LRP1B: variants seen among roughly 807,000 people sequenced by gnomAD.
LRP1B encodes the protein low-density lipoprotein receptor-related protein 1B.
LRP1B carries 217 observed loss-of-function variants against 556.6 expected under a neutral mutation model. That is an observed-to-expected ratio of 0.39 (90% CI 0.35 to 0.44). The LOEUF is 0.44. Among genes scored for constraint, LRP1B ranks in the 20% least tolerant of loss-of-function variants. The pLI is 1.00. For missense variants in LRP1B, 5,053 were observed against 5,620.8 expected, an observed-to-expected ratio of 0.90 and a Z score of 3.23; for synonymous variants, 2,047 against 1,865.8, an observed-to-expected ratio of 1.10 and a Z score of -2.50.
intron 3 of LRP1B, among the ~76,000 whole-genome samples, chr2:141,397,308 A>T (rs929479528): frequency 1.5e-4 from 23 of 151,802 alleles, no homozygotes; most frequent in Admixed American, 1.1e-3. Flanking sequence ...TATTTCCCTC[A>T]GTTAAAATTA....
chr2:141,875,913 A>T (rs1698743449), intron 1 of LRP1B, among the ~76,000 whole-genome samples: 1 of 152,014 alleles, frequency 6.6e-6, no homozygotes. Flanking sequence ...TACCTGTGAG[A>T]ATTCATGAAA....
At chr2:141,981,662 G>C (rs536930173) in intron 1 of LRP1B, among the ~76,000 whole-genome samples, 2 of 152,154 alleles carry the variant, frequency 1.3e-5, no homozygotes, top group Non-Finnish European at 2.9e-5. Flanking sequence ...GAAGCATGGA[G>C]ATCACATAGA....
At chr2:140,718,562 A>G (rs1325436588) in intron 35 of LRP1B, among the ~76,000 whole-genome samples, 1 of 152,098 alleles carries the variant, frequency 6.6e-6, no homozygotes, top group Non-Finnish European at 1.5e-5. Context: ...TTAGAAAAGT[A>G]TAGCTACAGA....
At chr2:141,510,231 CA>C (rs1684075826) in intron 2 of LRP1B, among the ~76,000 whole-genome samples, 4 of 149,904 alleles carry the variant, frequency 2.7e-5, no homozygotes, top group African/African-American at 9.9e-5. Flanking sequence ...CACACACACA[CA>C]CACCCCCCAC....
chr2:140,684,080 T>C (rs1402616243), intron 41 of LRP1B, among the ~76,000 whole-genome samples: 1 of 152,124 alleles, frequency 6.6e-6, no homozygotes, highest in Admixed American at 6.5e-5. Flanking sequence ...ATAATACCAA[T>C]GAGGATAAAT....
chr2:142,112,565 G>T (rs902750129), intron 1 of LRP1B, among the ~76,000 whole-genome samples: 3 of 152,038 alleles, frequency 2.0e-5, no homozygotes, highest in Admixed American at 1.3e-4. Flanking sequence ...AGAGGCATTT[G>T]TTCCATCTAT....
chr2:140,881,253 A>AGTGTGTGTGTGTGT (rs3063611), intron 25 of LRP1B, among the ~76,000 whole-genome samples: 2 of 149,032 alleles, frequency 1.3e-5, no homozygotes, highest in African/African-American at 4.9e-5. Flanking sequence ...CTTTGCTGTA[A>AGTGTGTGTGTGTGT]GTGTGTGTGT....
intron 32 of LRP1B, among the ~76,000 whole-genome samples, chr2:140,795,177 C>T (rs1690261506): frequency 6.6e-6 from 1 of 152,084 alleles, no homozygotes; most frequent in African/African-American, 2.4e-5. Flanking sequence ...TGTCACCTAC[C>T]TGTCTTTCTA....
chr2:141,302,037 A>G (rs939064332), intron 3 of LRP1B, among the ~76,000 whole-genome samples: 19 of 152,182 alleles, frequency 1.2e-4, no homozygotes, highest in Non-Finnish European at 2.5e-4. Context: ...ATACATATAT[A>G]CAATAAAAAC....
At chr2:140,272,745 C>A (rs1473466855) in intron 85 of LRP1B, among the ~76,000 whole-genome samples, 4 of 151,938 alleles carry the variant, frequency 2.6e-5, no homozygotes, top group African/African-American at 9.7e-5. Flanking sequence ...AATCATCTAA[C>A]ATGTTTCAGA....
At chr2:141,293,024 T>C (rs1296032660) in intron 3 of LRP1B, among the ~76,000 whole-genome samples, 5 of 152,168 alleles carry the variant, frequency 3.3e-5, no homozygotes, top group African/African-American at 2.4e-5. Context: ...TCTTCTCAAT[T>C]TTCCTCCTTT....
intron 3 of LRP1B, among the ~76,000 whole-genome samples, chr2:141,292,258 T>C (rs1243106731): frequency 6.6e-6 from 1 of 152,068 alleles, no homozygotes; most frequent in Non-Finnish European, 1.5e-5. Flanking sequence ...TGTGGAAAAA[T>C]TATCTTCCAT....
chr2:141,293,363 T>A (rs1686048925), intron 3 of LRP1B, among the ~76,000 whole-genome samples: 1 of 152,186 alleles, frequency 6.6e-6, no homozygotes, highest in Non-Finnish European at 1.5e-5. Flanking sequence ...TCAATAATTA[T>A]GTGGTTTAGG....
chr2:140,873,233 A>T (rs546328651), intron 25 of LRP1B, among the ~76,000 whole-genome samples: 1 of 152,242 alleles, frequency 6.6e-6, no homozygotes, highest in East Asian at 1.9e-4. Flanking sequence ...CATAGGGGTT[A>T]CAAAAGTATA....
intron 3 of LRP1B, among the ~76,000 whole-genome samples, chr2:141,365,428 C>T (rs1406759984): frequency 6.6e-6 from 1 of 150,692 alleles, no homozygotes; most frequent in Non-Finnish European, 1.5e-5. Flanking sequence ...TGTTAGAGTC[C>T]CATAAAGAAT....
rs561311903 is a variant in LRP1B, at chr2:140,664,845, TA to T, written c.6799+35404del. ...GCTTTAAACAAACAGAAAAACATTA[TA>T]AAAAAAATTCTGATATCTGGAATGC... On this transcript the variant is annotated intron_variant, in intron 41 of 90. Coordinates refer to ENST00000389484, the MANE Select transcript of LRP1B (RefSeq NM_018557.3). Among the ~76,000 whole-genome samples, 714 of 152,008 alleles carry T rather than the reference TA, an allele frequency of 4.7e-3. 5 individuals carry two copies. Among genetic ancestry groups the T allele is most frequent in the Non-Finnish European group, 7.3e-3 (493 of 67,920 alleles).
rs12616560 is a variant in LRP1B at position 141,367,632 on chromosome 2, G to A, written c.343+112764C>T. ...CAAGTAGCTGGGACTACAGGTGCCC[G>A]CCACCATGCCCGGCTAATTTTTTAT... On this transcript the variant is annotated intron_variant, in intron 3 of 90. Transcript: ENST00000389484. Among the ~76,000 whole-genome samples, 337 of 151,184 alleles carry A rather than the reference G, an allele frequency of 2.2e-3. 19 individuals carry two copies. The East Asian group carries it at 0.059, about 27-fold the overall frequency.
intron 29 of LRP1B, 93 bp downstream of exon 29, chr2:140,850,009 G>A: frequency 1.2e-6 from 1 of 805,214 alleles, no homozygotes; most frequent in Non-Finnish European, 2.0e-6. Context: ...ACAGCATAAA[G>A]TTGAATAAAA....
intron 3 of LRP1B, among the ~76,000 whole-genome samples, chr2:141,380,250 A>G: frequency 6.6e-6 from 1 of 151,556 alleles, no homozygotes; most frequent in East Asian, 1.9e-4. Flanking sequence ...GCAAGCTCTA[A>G]GCTTTTCCCT....
Sources: gnomAD v4.1 joint callset for allele counts (sites outside exome capture counted in the v4.1 genomes callset) on GRCh38, gnomAD v4.1.1 for gene constraint, MANE v1.5 for transcripts, NCBI Gene and HGNC (gene_info 2026-07-23, HGNC 2026-07-21) for gene names.